Variants in NELL1 observed in about 807,000 individuals in gnomAD.
NELL1 encodes neural EGFL like 1.
In NELL1, 76 loss-of-function variants were observed where a neutral mutation model predicts 107.4. That is an observed-to-expected ratio of 0.71 (90% CI 0.59 to 0.86). The LOEUF is 0.86. Among genes scored for constraint, NELL1 ranks in the 40% least tolerant of loss-of-function variants. The pLI, the probability that NELL1 is intolerant of heterozygous loss-of-function variation, is 0.00. For missense variants in NELL1, 1,024 were observed against 1,005.5 expected (o/e 1.02, Z -0.25); for synonymous variants, 353 against 341.2 (o/e 1.03, Z -0.38).
At chr11:21,118,199 G>A (rs963661736) in intron 13 of NELL1, among the ~76,000 whole-genome samples, 3 of 152,054 alleles carry the variant, frequency 2.0e-5, no homozygotes, top group South Asian at 4.2e-4. Flanking sequence ...AAGATGAAGT[G>A]TTTGAAATGT....
chr11:21,170,926 A>G (rs112902368), intron 13 of NELL1, among the ~76,000 whole-genome samples: 3,307 of 151,674 alleles, frequency 0.022, 220 homozygotes, highest in African/African-American at 0.077. Context: ...TCATTATAAA[A>G]TAGGTATCTT....
In NELL1 at chr11:21,037,956, G is replaced by T. The variant is rs182641099; in HGVS notation, c.1301-75633G>T. Among the ~76,000 whole-genome samples the T allele has an allele frequency of 2.7e-3, 415 of 152,248 alleles. 1 individual carries two copies. The highest frequency in any genetic ancestry group is 4.3e-3 in the Non-Finnish European group (291 of 68,014). ...AGGTATTGGTAGATTTTCTTGCTGG[G>T]CATGAAGAGAGATGTTTGTTGGTTG... On this transcript the variant is annotated intron_variant, in intron 12 of 19. Transcript: ENST00000357134.
intron 1 of NELL1, among the ~76,000 whole-genome samples, chr11:20,672,361 A>G (rs1853935492): frequency 1.3e-5 from 2 of 152,266 alleles, no homozygotes; most frequent in South Asian, 4.1e-4. Flanking sequence ...TGGTTCACTT[A>G]GTGAGCTGCT....
chr11:20,948,757 C>T (rs1043814381), intron 11 of NELL1, among the ~76,000 whole-genome samples: 7 of 87,810 alleles, frequency 8.0e-5, no homozygotes, highest in Non-Finnish European at 1.3e-4. Context: ...AGGATTTGTT[C>T]AAAATCTTAA....
At chr11:21,154,844 C>T (rs185623442) in intron 13 of NELL1, among the ~76,000 whole-genome samples, 1 of 152,148 alleles carries the variant, frequency 6.6e-6, no homozygotes, top group Non-Finnish European at 1.5e-5. Context: ...GTTGTTAGTA[C>T]ACAAAATGTG....
chr11:20,688,670 T>A (rs906768057), intron 2 of NELL1, among the ~76,000 whole-genome samples: 7 of 152,210 alleles, frequency 4.6e-5, no homozygotes, highest in Admixed American at 2.0e-4. Flanking sequence ...ATGTCTTTGC[T>A]ATTGTGAATA....
intron 14 of NELL1, among the ~76,000 whole-genome samples, chr11:21,343,210 C>A (rs560642216): frequency 4.6e-5 from 7 of 152,056 alleles, no homozygotes; most frequent in Non-Finnish European, 7.4e-5. Flanking sequence ...GCATGGCATA[C>A]AAGATTCTTC....
At chr11:20,755,897 T>TGG (rs1856272940) in intron 2 of NELL1, among the ~76,000 whole-genome samples, 2 of 48,238 alleles carry the variant, frequency 4.1e-5, no homozygotes, top group Admixed American at 2.7e-4. Context: ...TTTTTTTTTT[T>TGG]TTTTTTTTTT....
intron 14 of NELL1, among the ~76,000 whole-genome samples, chr11:21,330,829 T>A (rs1850257284): frequency 6.6e-6 from 1 of 152,080 alleles, no homozygotes; most frequent in Non-Finnish European, 1.5e-5. Context: ...TTTTTTCTCT[T>A]CTTCTGGCAC....
intron 15 of NELL1, among the ~76,000 whole-genome samples, chr11:21,488,274 C>T (rs1390288817): frequency 6.6e-6 from 1 of 151,726 alleles, no homozygotes; most frequent in South Asian, 2.1e-4. Context: ...GTATGTTAGG[C>T]AACACAAAAA....
intron 15 of NELL1, among the ~76,000 whole-genome samples, chr11:21,392,352 A>G (rs1172799576): frequency 2.6e-5 from 4 of 151,796 alleles, no homozygotes; most frequent in Non-Finnish European, 5.9e-5. Context: ...GTCCTATGCA[A>G]TAAGTTGCTT....
intron 15 of NELL1, among the ~76,000 whole-genome samples, chr11:21,466,254 A>G (rs1216982823): frequency 6.6e-6 from 1 of 152,058 alleles, no homozygotes; most frequent in African/African-American, 2.4e-5. Flanking sequence ...ATTGCGGAGG[A>G]CTAGTGAGGT....
intron 17 of NELL1, among the ~76,000 whole-genome samples, chr11:21,568,172 G>A (rs1351818304): frequency 6.6e-6 from 1 of 151,746 alleles, no homozygotes; most frequent in East Asian, 1.9e-4. Flanking sequence ...CTATAAACCT[G>A]GACAGCATGA....
chr11:20,979,447 T>C (rs545079854), intron 12 of NELL1, among the ~76,000 whole-genome samples: 8 of 152,316 alleles, frequency 5.3e-5, no homozygotes, highest in Admixed American at 3.9e-4. Flanking sequence ...TTATCTTCCA[T>C]GTAAATAGCA....
At chr11:21,554,596 G>A (rs1856662718) in intron 16 of NELL1, among the ~76,000 whole-genome samples, 1 of 151,766 alleles carries the variant, frequency 6.6e-6, no homozygotes, top group African/African-American at 2.4e-5. Flanking sequence ...AAATGTATGA[G>A]AGAAAAATTA....
intron 15 of NELL1, among the ~76,000 whole-genome samples, chr11:21,394,586 T>A (rs183067335): frequency 6.6e-6 from 1 of 151,478 alleles, no homozygotes; most frequent in Admixed American, 6.6e-5. Context: ...CAGAATTTGT[T>A]GTCTACAGTT....
intron 15 of NELL1, among the ~76,000 whole-genome samples, chr11:21,429,932 G>T (rs189490230): frequency 2.2e-4 from 34 of 152,046 alleles, no homozygotes; most frequent in Non-Finnish European, 3.4e-4. Context: ...TATGTAAAAT[G>T]GTATAAGAAT....
intron 2 of NELL1, among the ~76,000 whole-genome samples, chr11:20,737,249 C>T (rs1855783479): frequency 6.6e-6 from 1 of 152,014 alleles, no homozygotes; most frequent in Non-Finnish European, 1.5e-5. Flanking sequence ...TTAAAAATAA[C>T]CAGAGCTCCC....
At chr11:20,942,425 G>A (rs547609466) in intron 10 of NELL1, among the ~76,000 whole-genome samples, 7 of 152,120 alleles carry the variant, frequency 4.6e-5, no homozygotes, top group Non-Finnish European at 8.8e-5. Context: ...TGACAACAAG[G>A]GCTTTAATGA....
Sources: allele counts gnomAD v4.1 joint callset (sites outside exome capture counted in the v4.1 genomes callset), GRCh38; gene constraint gnomAD v4.1.1; transcripts MANE v1.5; gene names NCBI Gene and HGNC (gene_info 2026-07-23, HGNC 2026-07-21).